Variants in SGMS1 observed in about 807,000 individuals in gnomAD.
SGMS1 encodes sphingomyelin synthase 1.
A neutral mutation model predicts 46.2 loss-of-function variants in SGMS1; 13 were observed. The ratio of observed to expected loss-of-function variants is 0.28; its 90% CI spans 0.18 to 0.45. The LOEUF is 0.45. Ranked by LOEUF, SGMS1 falls within the 20% of genes least tolerant of loss-of-function variation. The probability of loss-of-function intolerance (pLI) is 1.00; values close to 1 mark genes in which losing one functional copy is unlikely to be tolerated. For synonymous variants in SGMS1, 203 were observed against 187.8 expected, an observed-to-expected ratio of 1.08 and a Z score of -0.66; for missense variants, 324 against 519.9, an observed-to-expected ratio of 0.62 and a Z score of 3.66.
At chr10:50,346,798 G>A (rs1043020655) in intron 6 of SGMS1, among the ~76,000 whole-genome samples, 4 of 152,008 alleles carry the variant, frequency 2.6e-5, no homozygotes, top group African/African-American at 9.7e-5. Context: ...TCTCCTGGGT[G>A]CAAGTGATTC....
At chr10:50,612,748 G>A (rs1348292864) in intron 1 of SGMS1, among the ~76,000 whole-genome samples, 3 of 152,078 alleles carry the variant, frequency 2.0e-5, no homozygotes, top group South Asian at 2.1e-4. Context: ...TCGCTCTGTC[G>A]CCCAGGCTGG....
At position 50,343,548 on chromosome 10, in the gene SGMS1, A is replaced by C; in HGVS notation, c.567T>G (p.Ile189Met). ...RVQWAFSICEINGMILVGLWL... is the reference protein window; with the variant it reads ...RVQWAFSICEMNGMILVGLWL... ...AGAGTCCTACAAGGATCATGCCATT[A>C]ATTTCACAAATAGAAAAGGCCCACT... Residue 189 changes from isoleucine to methionine, a missense_variant, in exon 7 of 11, where the codon ATT (isoleucine) becomes ATG (methionine). Transcript: ENST00000361781. The C allele has an allele frequency of 6.2e-7, 1 of 1,614,072 alleles. No individual in the cohort carries two copies. Among genetic ancestry groups the C allele is most frequent in the Non-Finnish European group, 8.5e-7 (1 of 1,180,028 alleles).
At chr10:50,614,447 T>C (rs959376511) in intron 1 of SGMS1, among the ~76,000 whole-genome samples, 1 of 152,256 alleles carries the variant, frequency 6.6e-6, no homozygotes, top group African/African-American at 2.4e-5. Flanking sequence ...CTAGAAGTAG[T>C]AGCAGCTGGC....
At chr10:50,496,848 A>G (rs958543166) in intron 3 of SGMS1, among the ~76,000 whole-genome samples, 1 of 152,226 alleles carries the variant, frequency 6.6e-6, no homozygotes, top group Admixed American at 6.5e-5. Flanking sequence ...TCACCCATCT[A>G]TATAGCTCAC....
chr10:50,318,650 C>T (rs1243547960), intron 8 of SGMS1, among the ~76,000 whole-genome samples: 5 of 152,140 alleles, frequency 3.3e-5, no homozygotes, highest in African/African-American at 7.2e-5. Flanking sequence ...GTAATCACTC[C>T]ACTCCTGGAA....
intron 2 of SGMS1, among the ~76,000 whole-genome samples, chr10:50,575,558 T>A (rs1838376538): frequency 6.6e-6 from 1 of 151,972 alleles, no homozygotes; most frequent in Non-Finnish European, 1.5e-5. Flanking sequence ...ATAAATAAAC[T>A]TTAAAAAGAG....
chr10:50,458,339 C>CTTTTTTT lies in SGMS1; in HGVS notation c.-313+2327_-313+2333dup, dbSNP rs750349777. ...TCTGGCTCTGCTATTTTCTTTTTCT[C>CTTTTTTT]TTTTTTTTTTTTTTTTTTTTTTTTT... On this transcript the variant is annotated intron_variant, in intron 5 of 10. Coordinates refer to ENST00000361781, the MANE Select transcript of SGMS1 (RefSeq NM_147156.4). Among the ~76,000 whole-genome samples, 529 of 97,136 alleles carry CTTTTTTT rather than the reference C, an allele frequency of 5.4e-3. 19 individuals are homozygous for CTTTTTTT. Among genetic ancestry groups the CTTTTTTT allele is most frequent in the Middle Eastern group, 8.5e-3 (1 of 118 alleles). 63.7% of individuals were successfully genotyped at this position (97,136 alleles called of 152,430 possible).
intron 3 of SGMS1, among the ~76,000 whole-genome samples, chr10:50,470,336 TA>T (rs1452636604): frequency 2.0e-5 from 3 of 152,190 alleles, no homozygotes; most frequent in African/African-American, 7.2e-5. Context: ...AAATCTAAAG[TA>T]GAAAGTTTGT....
chr10:50,357,064 TA>T (rs1848165534), intron 6 of SGMS1, among the ~76,000 whole-genome samples: 1 of 151,000 alleles, frequency 6.6e-6, no homozygotes, highest in Non-Finnish European at 1.5e-5. Flanking sequence ...CCCTAAAACT[TA>T]AAGTATAATA....
intron 2 of SGMS1, among the ~76,000 whole-genome samples, chr10:50,587,062 A>G (rs1010816626): frequency 1.4e-4 from 21 of 152,244 alleles, no homozygotes; most frequent in Admixed American, 1.2e-3. Flanking sequence ...TGCATTATAT[A>G]TTACACACAC....
chr10:50,452,170 A>G (rs1287248854), intron 5 of SGMS1, among the ~76,000 whole-genome samples: 3 of 152,194 alleles, frequency 2.0e-5, no homozygotes, highest in Admixed American at 6.5e-5. Flanking sequence ...AAATACATAT[A>G]ATAAAATGCT....
At position 50,343,935 on chromosome 10, in the gene SGMS1, G is replaced by A; in HGVS notation, c.180C>T (p.Leu60=). 1 of 1,613,944 alleles carries A rather than the reference G, an allele frequency of 6.2e-7. No individual in the cohort carries two copies. Among genetic ancestry groups the A allele is most frequent in the Non-Finnish European group, 8.5e-7 (1 of 1,179,890 alleles). The part of the protein sequence containing the change: ...CRVSSDNGQR[L]LDMIETLKME... Reference sequence around the variant, plus strand: ...TTTTCAGGGTTTCTATCATGTCCAGGAGCCGCTGCCCATTGTCAGAGGAGA... The same window carrying A: ...TTTTCAGGGTTTCTATCATGTCCAGAAGCCGCTGCCCATTGTCAGAGGAGA... Residue 60 remains leucine, a synonymous_variant, in exon 7 of 11, where the codon CTC becomes CTT. Transcript: ENST00000361781.
intron 6 of SGMS1, among the ~76,000 whole-genome samples, chr10:50,414,027 C>T (rs1310035439): frequency 6.6e-6 from 1 of 152,110 alleles, no homozygotes; most frequent in African/African-American, 2.4e-5. Flanking sequence ...GATTGAAAGT[C>T]TCTCAGCTTT....
chr10:50,545,411 A>G (rs1347261725), intron 2 of SGMS1, among the ~76,000 whole-genome samples: 1 of 152,062 alleles, frequency 6.6e-6, no homozygotes, highest in Non-Finnish European at 1.5e-5. Context: ...TGAAAAGGAA[A>G]GGGTTTTGTT....
chr10:50,531,827 C>G (rs1249655249), intron 2 of SGMS1, among the ~76,000 whole-genome samples: 2 of 152,168 alleles, frequency 1.3e-5, no homozygotes, highest in Non-Finnish European at 2.9e-5. Flanking sequence ...TAGCTTTAAT[C>G]CAAGCAATAG....
intron 2 of SGMS1, among the ~76,000 whole-genome samples, chr10:50,523,763 C>A (rs531900001): frequency 2.0e-5 from 3 of 152,274 alleles, no homozygotes; most frequent in African/African-American, 7.2e-5. Flanking sequence ...ACCCCAGATA[C>A]AAAGCTAATC....
At chr10:50,560,485 T>C (rs962048665) in intron 2 of SGMS1, among the ~76,000 whole-genome samples, 2 of 142,366 alleles carry the variant, frequency 1.4e-5, no homozygotes, top group East Asian at 3.9e-4. Flanking sequence ...ATGTAATACA[T>C]ATTACATAAT....
intron 5 of SGMS1, among the ~76,000 whole-genome samples, chr10:50,452,273 G>C (rs1237017124): frequency 1.3e-5 from 2 of 151,920 alleles, no homozygotes; most frequent in Non-Finnish European, 1.5e-5. Context: ...ACATTACAAG[G>C]GGTTATTCTC....
At chr10:50,540,020 T>C (rs1838038122) in intron 2 of SGMS1, among the ~76,000 whole-genome samples, 1 of 152,228 alleles carries the variant, frequency 6.6e-6, no homozygotes, top group African/African-American at 2.4e-5. Context: ...CAACCTTATA[T>C]TTGAATATGC....
Sources: allele counts gnomAD v4.1 joint callset (sites outside exome capture counted in the v4.1 genomes callset), GRCh38; gene constraint gnomAD v4.1.1; transcripts MANE v1.5; gene names NCBI Gene and HGNC (gene_info 2026-07-23, HGNC 2026-07-21).